CCDC141: variants seen among roughly 807,000 people sequenced by gnomAD.
CCDC141 encodes the protein coiled-coil domain containing 141, also known as coiled-coil domain-containing protein 141.
In CCDC141, 168 loss-of-function variants were observed where a neutral mutation model predicts 181.0. That is an observed-to-expected ratio of 0.93 (90% CI 0.82 to 1.05). The LOEUF (loss-of-function observed/expected upper bound fraction) is 1.05, where lower values mean the gene tolerates loss of function less well. Among genes scored for constraint, CCDC141 ranks in the 50% least tolerant of loss-of-function variants. The probability of loss-of-function intolerance (pLI) is 0.00; values close to 1 mark genes in which losing one functional copy is unlikely to be tolerated. For synonymous variants in CCDC141, 666 were observed against 642.3 expected, an observed-to-expected ratio of 1.04 and a Z score of -0.56; for missense variants, 1,902 against 1,788.5, an observed-to-expected ratio of 1.06 and a Z score of -1.14.
At chr2:178,937,419 C>T (rs1020593898) in intron 6 of CCDC141, among the ~76,000 whole-genome samples, 6 of 152,096 alleles carry the variant, frequency 3.9e-5, no homozygotes, top group African/African-American at 1.2e-4. Flanking sequence ...GTTGAACCAA[C>T]CTTGTATCCC....
chr2:178,981,702 A>AGAG (rs1491533295), intron 2 of CCDC141, among the ~76,000 whole-genome samples: 1 of 69,430 alleles, frequency 1.4e-5, no homozygotes, highest in African/African-American at 4.7e-5. Flanking sequence ...AGAGAGAGAG[A>AGAG]AAAAAAAACC....
At chr2:179,017,843 T>A (rs1371651957) in intron 2 of CCDC141, among the ~76,000 whole-genome samples, 1 of 152,074 alleles carries the variant, frequency 6.6e-6, no homozygotes, top group Non-Finnish European at 1.5e-5. Flanking sequence ...GACGATGAGG[T>A]ATGGCACTTA....
chr2:178,989,829 T>TAA (rs71023463), intron 2 of CCDC141, among the ~76,000 whole-genome samples: 924 of 81,362 alleles, frequency 0.011, 14 homozygotes, highest in African/African-American at 0.015. Flanking sequence ...GCTATAATCT[T>TAA]AAAAAAAAAA....
chr2:178,836,838 T>C (rs769474115), intron 23 of CCDC141, 56 bp downstream of exon 23: 2 of 1,548,820 alleles, frequency 1.3e-6, no homozygotes, highest in African/African-American at 2.8e-5. Context: ...ACAGAATGAT[T>C]TTTCTCTGTG....
chr2:178,900,765 A>G (rs1228742218), intron 8 of CCDC141, among the ~76,000 whole-genome samples: 1 of 152,194 alleles, frequency 6.6e-6, no homozygotes, highest in Admixed American at 6.5e-5. Flanking sequence ...GGAGTTCAGC[A>G]TCAAAACTAA....
At chr2:178,966,064 C>A (rs1044440371) in intron 4 of CCDC141, among the ~76,000 whole-genome samples, 3 of 152,206 alleles carry the variant, frequency 2.0e-5, no homozygotes, top group African/African-American at 7.2e-5. Flanking sequence ...GCCAGACTGC[C>A]ATATTTCTCT....
At chr2:178,987,579 G>A (rs1315647270) in intron 2 of CCDC141, among the ~76,000 whole-genome samples, 5 of 150,550 alleles carry the variant, frequency 3.3e-5, no homozygotes, top group African/African-American at 9.8e-5. Context: ...TCTGACAAAG[G>A]GCTAATATCC....
intron 7 of CCDC141, among the ~76,000 whole-genome samples, chr2:178,918,190 A>T (rs1279191352): frequency 1.3e-5 from 2 of 151,918 alleles, no homozygotes; most frequent in Non-Finnish European, 2.9e-5. Context: ...CAGGAGGATC[A>T]CTTGAGCCCA....
chr2:178,937,507 C>T (rs115850243), intron 6 of CCDC141, among the ~76,000 whole-genome samples: 4,548 of 152,074 alleles, frequency 0.03, 222 homozygotes, highest in African/African-American at 0.099. Context: ...TGTTTTGTTG[C>T]GGACTTCTGC....
Position 178,830,653 on chromosome 2 carries a change from T to A in CCDC141, c.*3520A>T, listed in dbSNP as rs1276827777. On this transcript the variant is annotated 3_prime_UTR_variant, in exon 24 of 24. Transcript: ENST00000443758. ...TTCTTACAGCCTAGCCAGAGGAGAC[T>A]GATGCTCAAACCTGCGATTCCTTTG... is the stretch of plus-strand genomic sequence containing the variant. The A allele has an allele frequency of 6.6e-6, 1 of 152,280 alleles. No individual in the cohort carries two copies. The highest frequency in any genetic ancestry group is 2.4e-5 in the African/African-American group (1 of 41,450). 9.4% of individuals were successfully genotyped at this position (152,280 alleles called of 1,614,324 possible). A position where few individuals can be genotyped will look rare whatever the true frequency, so the allele number is the denominator to read the frequency against.
At chr2:178,903,267 A>G (rs1206646975) in intron 8 of CCDC141, among the ~76,000 whole-genome samples, 4 of 151,290 alleles carry the variant, frequency 2.6e-5, no homozygotes, top group South Asian at 4.3e-4. Context: ...GTATATACCC[A>G]AAGGACTATA....
downstream of CCDC141, among the ~76,000 whole-genome samples, chr2:178,829,280 G>T (rs1371327874): frequency 6.6e-6 from 1 of 152,130 alleles, no homozygotes; most frequent in East Asian, 1.9e-4. Context: ...TAATTTTGTG[G>T]TACAAAAAGG....
chr2:179,044,735 G>A (rs2043430323), intron 2 of CCDC141, among the ~76,000 whole-genome samples: 1 of 152,102 alleles, frequency 6.6e-6, no homozygotes, highest in African/African-American at 2.4e-5. Context: ...AAGGAGCTGG[G>A]GTCACAGGAG....
At chr2:178,816,530 G>C in the CCDC141 span, among the ~76,000 whole-genome samples, 1 of 152,228 alleles carries the variant, frequency 6.6e-6, no homozygotes, top group Admixed American at 6.5e-5. Context: ...GTGGACACAA[G>C]TTTTCAGCTC....
chr2:178,931,990 A>T (rs1043375873), intron 6 of CCDC141, among the ~76,000 whole-genome samples: 1 of 151,534 alleles, frequency 6.6e-6, no homozygotes, highest in African/African-American at 2.4e-5. Context: ...ACATGATGAA[A>T]CCCCGTCTCT....
intron 7 of CCDC141, among the ~76,000 whole-genome samples, chr2:178,910,627 C>A (rs777851987): frequency 6.6e-6 from 1 of 152,182 alleles, no homozygotes; most frequent in Non-Finnish European, 1.5e-5. Context: ...TAATTCAGGT[C>A]CTCCCCACAT....
chr2:178,860,621 G>A (rs1167144393), intron 17 of CCDC141, among the ~76,000 whole-genome samples: 1 of 125,198 alleles, frequency 8.0e-6, no homozygotes, highest in African/African-American at 3.3e-5. Flanking sequence ...TTGAACTCCT[G>A]GGCTCCAGCA....
At position 178,952,214 on chromosome 2, in the gene CCDC141, T is replaced by C. The variant is rs529381777; in HGVS notation, c.781-7563A>G. ...TAAGACTATCTAGTGGTTTATGGAA[T>C]TGGTGTGGGATATGGCCAGTGTGTC... On this transcript the variant is annotated intron_variant, in intron 5 of 23. Transcript: ENST00000443758. Among the ~76,000 whole-genome samples the C allele has an allele frequency of 2.6e-5, 4 of 152,326 alleles. No homozygotes were observed. In the South Asian group the frequency reaches 8.3e-4, roughly 32 times the overall value.
chr2:179,049,698 C>T, intron 1 of CCDC141, 142 bp downstream of exon 1: 2 of 754,810 alleles, frequency 2.6e-6, no homozygotes, highest in Non-Finnish European at 4.1e-6. Flanking sequence ...TCTTAGTAGC[C>T]CATTTTAGAA....
Sources: allele counts gnomAD v4.1 joint callset (sites outside exome capture counted in the v4.1 genomes callset), GRCh38; gene constraint gnomAD v4.1.1; transcripts MANE v1.5; gene names NCBI Gene and HGNC (gene_info 2026-07-23, HGNC 2026-07-21).